Variants in CDK12 observed in about 807,000 individuals in gnomAD.
CDK12 encodes the protein cyclin dependent kinase 12, also known as cyclin-dependent kinase 12.
CDK12 carries 17 observed loss-of-function variants against 133.8 expected under a neutral mutation model. The ratio of observed to expected loss-of-function variants is 0.13; its 90% CI spans 0.09 to 0.19. The LOEUF (loss-of-function observed/expected upper bound fraction) is 0.19. CDK12 is among the 10% of genes least tolerant of loss of function. The probability of loss-of-function intolerance (pLI) is 1.00; values close to 1 mark genes in which losing one functional copy is unlikely to be tolerated. For synonymous variants in CDK12, 694 were observed against 683.6 expected (o/e 1.02, Z -0.24); for missense variants, 1,508 against 1,818.7 (o/e 0.83, Z 3.11).
intron 1 of CDK12, among the ~76,000 whole-genome samples, chr17:39,541,601 G>A (rs898155870): frequency 7.1e-5 from 5 of 69,952 alleles, no homozygotes; most frequent in South Asian, 1.4e-3. Flanking sequence ...TCCAGACCTC[G>A]TGATCAGCCT....
chr17:39,475,517 T>C (rs2050125382), intron 2 of CDK12, among the ~76,000 whole-genome samples: 1 of 151,770 alleles, frequency 6.6e-6, no homozygotes, highest in Admixed American at 6.6e-5. Context: ...TGCCACGTGA[T>C]GAAAATTACA....
At chr17:39,551,565 G>A (rs1278799691) in intron 2 of CDK12, among the ~76,000 whole-genome samples, 1 of 152,110 alleles carries the variant, frequency 6.6e-6, no homozygotes, top group Non-Finnish European at 1.5e-5. Context: ...GCCAACAAAT[G>A]TGTTAAGGAG....
intron 6 of CDK12, among the ~76,000 whole-genome samples, chr17:39,504,900 C>T (rs977718136): frequency 1.2e-4 from 5 of 43,336 alleles, no homozygotes; most frequent in Admixed American, 2.2e-4. Context: ...AAAAAAAAAA[C>T]GCTAAGGAGA....
intron 3 of CDK12, among the ~76,000 whole-genome samples, chr17:39,562,003 G>A (rs766151866): frequency 6.6e-5 from 10 of 152,072 alleles, no homozygotes; most frequent in African/African-American, 2.2e-4. Flanking sequence ...GCAGTGGCGC[G>A]ATCTCGGCTC....
At chr17:39,503,824 G>T (rs2052901310) in intron 6 of CDK12, among the ~76,000 whole-genome samples, 1 of 152,196 alleles carries the variant, frequency 6.6e-6, no homozygotes, top group Non-Finnish European at 1.5e-5. Flanking sequence ...GCAAGGAAGA[G>T]AGCGAACAGG....
At chr17:39,522,034 C>T (rs2054206577) in intron 11 of CDK12, among the ~76,000 whole-genome samples, 1 of 152,160 alleles carries the variant, frequency 6.6e-6, no homozygotes, top group African/African-American at 2.4e-5. Flanking sequence ...ATTCCTCCAG[C>T]TGTAATCATG....
chr17:39,551,336 AT>A (rs2055946663), intron 2 of CDK12, among the ~76,000 whole-genome samples: 1 of 152,026 alleles, frequency 6.6e-6, no homozygotes, highest in African/African-American at 2.4e-5. Flanking sequence ...CATCTTATCC[AT>A]TTTCTTGCTT....
upstream of CDK12, among the ~76,000 whole-genome samples, chr17:39,544,832 G>T (rs1474861787): frequency 6.6e-6 from 1 of 151,922 alleles, no homozygotes; most frequent in Non-Finnish European, 1.5e-5. Flanking sequence ...GTTTCTCCAT[G>T]TTGGTCAGGC....
At chr17:39,524,924 G>T in intron 12 of CDK12, 39 bp downstream of exon 12, 1 of 1,547,778 alleles carries the variant, frequency 6.5e-7, no homozygotes, top group Non-Finnish European at 8.8e-7. Context: ...TTTGCTAAGC[G>T]TATTTGGCAG....
chr17:39,510,619 TTTTC>T (rs2053441608), intron 7 of CDK12, among the ~76,000 whole-genome samples: 2 of 151,548 alleles, frequency 1.3e-5, no homozygotes, highest in Non-Finnish European at 2.9e-5. Context: ...TTCTCCTCCT[TTTTC>T]TTTTTTTTTC....
chr17:39,468,331 C>G (rs1403541510), intron 1 of CDK12, among the ~76,000 whole-genome samples: 1 of 152,054 alleles, frequency 6.6e-6, no homozygotes. Flanking sequence ...CATTTTGGTT[C>G]ATGTCAGTCT....
intron 6 of CDK12, among the ~76,000 whole-genome samples, chr17:39,504,051 C>T (rs752809292): frequency 1.1e-4 from 16 of 152,210 alleles, no homozygotes; most frequent in Non-Finnish European, 1.9e-4. Context: ...CTCGGTAGAT[C>T]TGTAGACTTT....
At chr17:39,522,003 C>T (rs2054204779) in intron 11 of CDK12, among the ~76,000 whole-genome samples, 1 of 152,164 alleles carries the variant, frequency 6.6e-6, no homozygotes, top group South Asian at 2.1e-4. Flanking sequence ...CTTGGCCTCC[C>T]TCTGGTTTTT....
chr17:39,469,160 C>T (rs538322853), intron 1 of CDK12, among the ~76,000 whole-genome samples: 2 of 152,230 alleles, frequency 1.3e-5, no homozygotes, highest in East Asian at 3.9e-4. Flanking sequence ...ACATTGAGGC[C>T]TTAGCAGGTT....
chr17:39,496,383 T>G (rs570793002), intron 5 of CDK12, among the ~76,000 whole-genome samples: 7 of 152,214 alleles, frequency 4.6e-5, no homozygotes, highest in African/African-American at 1.7e-4. Context: ...GTTGAGCAAT[T>G]AGTTGCCAAT....
intron 2 of CDK12, among the ~76,000 whole-genome samples, chr17:39,475,222 T>C (rs984415037): frequency 6.6e-6 from 1 of 152,060 alleles, no homozygotes; most frequent in African/African-American, 2.4e-5. Context: ...GTAATCCCAG[T>C]ACTTTGGGAG....
At chr17:39,480,442 T>G (rs4795371) in intron 2 of CDK12, among the ~76,000 whole-genome samples, 96,223 of 151,446 alleles carry the variant, frequency 0.64, 33,180 homozygotes, top group South Asian at 0.89. Context: ...GCTAGTTTTT[T>G]TTTTGTTTTG....
At chr17:39,529,573 C>A (rs1567789042) in intron 13 of CDK12, among the ~76,000 whole-genome samples, 1 of 152,178 alleles carries the variant, frequency 6.6e-6, no homozygotes, top group African/African-American at 2.4e-5. Context: ...TTCTACCATA[C>A]TTCTGTCTCA....
intron 5 of CDK12, among the ~76,000 whole-genome samples, chr17:39,500,190 G>A (rs2146109745): frequency 6.6e-6 from 1 of 152,224 alleles, no homozygotes; most frequent in Non-Finnish European, 1.5e-5. Flanking sequence ...CATTAACTGG[G>A]TGTGGTGGCC....
Sources: allele counts gnomAD v4.1 joint callset (sites outside exome capture counted in the v4.1 genomes callset), GRCh38; gene constraint gnomAD v4.1.1; transcripts MANE v1.5; gene names NCBI Gene and HGNC (gene_info 2026-07-23, HGNC 2026-07-21).